The following SHLD1 variants were observed in gnomAD, a reference collection of about 807,000 sequenced individuals.
The protein encoded by SHLD1 is RINN1-REV7-interacting novel NHEJ regulator 3.
Under a neutral mutation model 5.5 loss-of-function variants are expected in SHLD1, and 3 were observed. The observed-to-expected ratio is 0.54, with a 90% CI of 0.25 to 1.40. The LOEUF is 1.40. Among genes scored for constraint, SHLD1 ranks in the 40% most tolerant of loss-of-function variants. The probability of loss-of-function intolerance (pLI) is 0.15; values close to 1 mark genes in which losing one functional copy is unlikely to be tolerated. For missense variants in SHLD1, 210 were observed against 244.4 expected, an observed-to-expected ratio of 0.86 and a Z score of 0.94; for synonymous variants, 92 against 94.3, an observed-to-expected ratio of 0.98 and a Z score of 0.14.
Position 5,863,666 on chromosome 20 carries a change from C to A in SHLD1, c.*203C>A. On this transcript the variant is annotated 3_prime_UTR_variant, in exon 3 of 3. Transcript: ENST00000303142. ...GGAGAGCCAGCAGGGTCTGGGAGTT[C>A]TCCGTCCTCTTGGCCAAGGCCGCTG... 1 of 533,562 alleles carries A rather than the reference C, an allele frequency of 1.9e-6. No homozygotes were observed. Among genetic ancestry groups the A allele is most frequent in the Non-Finnish European group, 3.2e-6 (1 of 310,892 alleles). The allele number at this position is 533,562 out of a possible 1,614,324, so 33.1% of individuals were successfully genotyped here.
At chr20:5,755,467 C>T (rs1314641284) in intron 1 of SHLD1, among the ~76,000 whole-genome samples, 1 of 152,164 alleles carries the variant, frequency 6.6e-6, no homozygotes, top group African/African-American at 2.4e-5. Context: ...CCCCCCACCC[C>T]CAGTCCATGG....
intron 2 of SHLD1, among the ~76,000 whole-genome samples, chr20:5,799,188 G>A (rs1284975203): frequency 6.7e-6 from 1 of 150,162 alleles, no homozygotes; most frequent in Non-Finnish European, 1.5e-5. Context: ...GGATGACTGA[G>A]CGAGACTCTG....
intron 1 of SHLD1, among the ~76,000 whole-genome samples, chr20:5,767,687 A>G (rs1984918880): frequency 1.3e-5 from 2 of 152,208 alleles, no homozygotes; most frequent in South Asian, 4.1e-4. Flanking sequence ...GCATGTGCCC[A>G]TGGCACTCAT....
At chr20:5,840,334 A>G (rs966208482) in intron 2 of SHLD1, among the ~76,000 whole-genome samples, 5 of 151,704 alleles carry the variant, frequency 3.3e-5, no homozygotes, top group Admixed American at 1.3e-4. Context: ...TTTTTTTTTC[A>G]TCTGACAGAG....
chr20:5,778,156 G>A (rs1475600003), intron 2 of SHLD1, among the ~76,000 whole-genome samples: 13 of 132,518 alleles, frequency 9.8e-5, no homozygotes, highest in African/African-American at 8.4e-5. Flanking sequence ...TCGTTCTGTC[G>A]CCCAGGCTGG....
chr20:5,773,709 A>G (rs1985295689), intron 2 of SHLD1, among the ~76,000 whole-genome samples: 2 of 152,010 alleles, frequency 1.3e-5, no homozygotes, highest in South Asian at 4.1e-4. Context: ...CCTGGATTTA[A>G]AGTTCAGCTC....
At chr20:5,814,712 T>A (rs1459335197) in intron 2 of SHLD1, among the ~76,000 whole-genome samples, 1 of 148,204 alleles carries the variant, frequency 6.7e-6, no homozygotes, top group African/African-American at 2.5e-5. Flanking sequence ...CAGGCTGCAG[T>A]GCAGTGGTGC....
At chr20:5,754,480 G>C (rs1983948487) in intron 1 of SHLD1, among the ~76,000 whole-genome samples, 2 of 152,070 alleles carry the variant, frequency 1.3e-5, no homozygotes, top group African/African-American at 4.8e-5. Context: ...GTTATAACAA[G>C]GTATGTCTGA....
chr20:5,778,114 CTTTTTTTTTTT>C (rs776358532), intron 2 of SHLD1, among the ~76,000 whole-genome samples: 2 of 111,930 alleles, frequency 1.8e-5, no homozygotes, highest in South Asian at 3.0e-4. Context: ...ATCCCTTTTT[CTTTTTTTTTTT>C]TTTTTTTTTG....
In SHLD1 at chr20:5,815,952, G is replaced by A. The variant is rs539349828; in HGVS notation, c.178+42909G>A. On this transcript the variant is annotated intron_variant, in intron 2 of 2. Transcript: ENST00000303142. ...AAAAATTATCCAGGTGTGGTGGTGT[G>A]TGCCTGTAATTCCAGCTACTCCAGA... Among the ~76,000 whole-genome samples, 10 of 152,070 alleles carry A rather than the reference G, an allele frequency of 6.6e-5. No individual in the cohort carries two copies. In the South Asian group the frequency reaches 2.1e-3, roughly 32 times the overall value.
chr20:5,844,029 G>A (rs2087897529), intron 2 of SHLD1, among the ~76,000 whole-genome samples: 1 of 152,122 alleles, frequency 6.6e-6, no homozygotes, highest in African/African-American at 2.4e-5. Flanking sequence ...CTTTTTTCCA[G>A]TTTCTTTGAG....
At chr20:5,827,774 C>T (rs1252904820) in intron 2 of SHLD1, among the ~76,000 whole-genome samples, 3 of 152,250 alleles carry the variant, frequency 2.0e-5, no homozygotes, top group Non-Finnish European at 2.9e-5. Flanking sequence ...CTCCAGTTAG[C>T]TTCCCTTACG....
intron 2 of SHLD1, among the ~76,000 whole-genome samples, chr20:5,787,694 G>A (rs936551089): frequency 6.6e-6 from 1 of 152,160 alleles, no homozygotes; most frequent in African/African-American, 2.4e-5. Flanking sequence ...CTCAGTAAAG[G>A]CTGGTGAATG....
In SHLD1 at chr20:5,798,451, T is replaced by C. The variant is rs558997447; in HGVS notation, c.178+25408T>C. On this transcript the variant is annotated intron_variant, in intron 2 of 2. Coordinates refer to ENST00000303142, the MANE Select transcript of SHLD1 (RefSeq NM_152504.4). ...CTGAGTAGATGGGACTACAGGCGCC[T>C]GCCACCATGTCTGGCTAATTTTTTG... Among the ~76,000 whole-genome samples, 22 of 146,022 alleles carry C rather than the reference T, an allele frequency of 1.5e-4. No homozygotes were observed. The South Asian group carries it at 4.8e-3, about 32-fold the overall frequency.
chr20:5,803,975 C>T (rs1425768276), intron 2 of SHLD1, among the ~76,000 whole-genome samples: 2 of 151,530 alleles, frequency 1.3e-5, no homozygotes, highest in African/African-American at 2.4e-5. Flanking sequence ...TCTGCCCCTT[C>T]GATCATTAAG....
intron 2 of SHLD1, among the ~76,000 whole-genome samples, chr20:5,795,833 A>G (rs2087204655): frequency 6.6e-6 from 1 of 151,388 alleles, no homozygotes; most frequent in South Asian, 2.1e-4. Context: ...TACAAAAAAA[A>G]AATTAGCCGG....
At position 5,839,526 on chromosome 20, in the gene SHLD1, T is replaced by TA. The variant is rs1555776894; in HGVS notation, c.179-23498_179-23497insA. 3.4e-3 allele frequency among the ~76,000 whole-genome samples: 406 copies of TA among 120,392 alleles called. 3 individuals are homozygous for TA. The highest frequency in any genetic ancestry group is 0.011 in the South Asian group (39 of 3,644). The allele number at this position is 120,392 out of a possible 152,430, so 79.0% of individuals were successfully genotyped here. On this transcript the variant is annotated intron_variant, in intron 2 of 2. Coordinates refer to ENST00000303142, the MANE Select transcript of SHLD1 (RefSeq NM_152504.4). ...ATAGATAGATAGATAGATAGATAGATGATAGATAGACAGATAGACAGAAAA... is the reference window on the plus strand; with the variant it reads ...ATAGATAGATAGATAGATAGATAGATAGATAGATAGACAGATAGACAGAAAA...
chr20:5,838,931 C>G (rs113732554), intron 2 of SHLD1, among the ~76,000 whole-genome samples: 81 of 152,182 alleles, frequency 5.3e-4, no homozygotes, highest in African/African-American at 1.9e-3. Flanking sequence ...TTAACTAAAC[C>G]CATTTTAACT....
chr20:5,864,143 A>G lies in SHLD1; in HGVS notation c.*680A>G, dbSNP rs916549196. ...TTGATCACACCCTTGCCTCCTCTCC[A>G]AAGCTAGAAATCCATGTTTTATCAT... On this transcript the variant is annotated 3_prime_UTR_variant, in exon 3 of 3. Coordinates refer to ENST00000303142, the MANE Select transcript of SHLD1 (RefSeq NM_152504.4). 9.2e-5 allele frequency among the ~76,000 whole-genome samples: 14 copies of G among 152,254 alleles called. No homozygotes were observed. Among genetic ancestry groups the G allele is most frequent in the African/African-American group, 3.4e-4 (14 of 41,468 alleles).
Sources: allele counts gnomAD v4.1 joint callset (sites outside exome capture counted in the v4.1 genomes callset), GRCh38; gene constraint gnomAD v4.1.1; transcripts MANE v1.5; gene names NCBI Gene and HGNC (gene_info 2026-07-23, HGNC 2026-07-21).